LCT: variants seen among roughly 807,000 people sequenced by gnomAD.
LCT encodes the protein lactase/phlorizin hydrolase.
LCT carries 90 observed loss-of-function variants against 173.0 expected under a neutral mutation model. The observed-to-expected ratio is 0.52, with a 90% confidence interval of 0.44 to 0.62. The LOEUF is 0.62. Among genes scored for constraint, LCT ranks in the 20% least tolerant of loss-of-function variants. LCT has a pLI of 0.00. For synonymous variants in LCT, 853 were observed against 957.6 expected (o/e 0.89, Z 2.02); for missense variants, 1,864 against 2,431.4 (o/e 0.77, Z 4.91).
intron 3 of LCT, among the ~76,000 whole-genome samples, 183 bp from the exon 4 acceptor site, chr2:135,824,186 A>G (rs1053061844): frequency 6.6e-6 from 1 of 152,156 alleles, no homozygotes; most frequent in Non-Finnish European, 1.5e-5. Flanking sequence ...ACAATTTTCA[A>G]TAACATAGTC....
intron 2 of LCT, among the ~76,000 whole-genome samples, chr2:135,829,959 A>ATGGCTAT (rs1302252162): frequency 6.6e-6 from 1 of 152,016 alleles, no homozygotes; most frequent in Non-Finnish European, 1.5e-5. Flanking sequence ...CGCAGTGTTG[A>ATGGCTAT]TGGCTAAATG....
Position 135,808,460 on chromosome 2 carries a change from A to G in LCT, c.3887T>C (p.Ile1296Thr). ...TCACACACCTTTCAAAGCCTCATTG[A>G]TGTAGGTTTTGTGGTAAAATATCCT... ...TDRIFYHKTY[I>T]NEALKAYRLD... is the part of the protein sequence containing the mutation. Residue 1296 changes from isoleucine (I) to threonine (T), a missense_variant, in exon 8 of 17, where the codon ATC becomes ACC. Ile to Thr is a moderately conservative substitution (Grantham distance 89). Transcript: ENST00000264162. 6.2e-7 allele frequency: 1 copy of G among 1,613,776 alleles called. No individual in the cohort carries two copies. Among genetic ancestry groups the G allele is most frequent in the Non-Finnish European group, 8.5e-7 (1 of 1,179,656 alleles).
chr2:135,798,171 T>G, intron 12 of LCT, 33 bp from the exon 13 acceptor site: 1 of 1,158,680 alleles, frequency 8.6e-7, no homozygotes, highest in Non-Finnish European at 1.3e-6. Flanking sequence ...AGCCCAGGCG[T>G]TACAGGTGGG....
chr2:135,831,234 C>T (rs1224425150), intron 2 of LCT, among the ~76,000 whole-genome samples: 1 of 152,116 alleles, frequency 6.6e-6, no homozygotes, highest in East Asian at 1.9e-4. Flanking sequence ...CTGGAGAGCA[C>T]AGTTACGTGT....
At chr2:135,814,675 C>G (rs1029680131) in intron 6 of LCT, among the ~76,000 whole-genome samples, 10 of 151,950 alleles carry the variant, frequency 6.6e-5, no homozygotes, top group African/African-American at 2.4e-4. Context: ...CGCCACCATG[C>G]CTGGCTAATT....
chr2:135,808,864 G>C lies in LCT; in HGVS notation c.3483C>G (p.Asn1161Lys). Residue 1161 changes from asparagine to lysine, a missense_variant, in exon 8 of 17, where the codon AAC (asparagine) becomes AAG (lysine). Around this residue, in one of 4 missense-constraint regions of LCT, gnomAD observed 755 missense variants for 926.3 expected, o/e 0.82. Transcript: ENST00000264162. Reference sequence around the variant, plus strand: ...ACTTCATGGTGTCAGGATAGTCTCCGTTTCTAAAAATGGGGTGAGCAAACC... The same window carrying C: ...ACTTCATGGTGTCAGGATAGTCTCCCTTTCTAAAAATGGGGTGAGCAAACC... ...LGWFAHPIFR[N>K]GDYPDTMKWK... 1 of 1,614,198 alleles carries C rather than the reference G, an allele frequency of 6.2e-7. No homozygotes were observed. The highest frequency in any genetic ancestry group is 8.5e-7 in the Non-Finnish European group (1 of 1,180,036).
intron 6 of LCT, among the ~76,000 whole-genome samples, chr2:135,813,543 A>G (rs1273412495): frequency 6.6e-6 from 1 of 152,242 alleles, no homozygotes; most frequent in Non-Finnish European, 1.5e-5. Flanking sequence ...AATCCTCACC[A>G]CAACCTCATA....
Position 135,790,841 on chromosome 2 carries a change from CAG to C in LCT, c.5150_5151del (p.Ser1717TrpfsTer25), listed in dbSNP as rs757952008. On this transcript the variant is annotated frameshift_variant, in exon 15 of 17. Coordinates refer to ENST00000264162, the MANE Select transcript of LCT (RefSeq NM_002299.4). LOFTEE classifies it high-confidence loss of function. This position sits in a 1 kb window ranked among gnomAD's most constrained non-coding sequence, Gnocchi z 4.1. ...ASIADRSWPD[S>X]GSFWLKMTPF... ...GGCGTCATCTTCAGCCAGAAGGAGC[CAG>C]AGTCTGGCCACGAGCGATCTGCGAT... 4 of 1,614,054 alleles carry C rather than the reference CAG, an allele frequency of 2.5e-6. No homozygotes were observed. The highest frequency in any genetic ancestry group is 2.5e-6 in the Non-Finnish European group (3 of 1,180,038).
At chr2:135,833,921 T>C (rs2077961943) in intron 1 of LCT, among the ~76,000 whole-genome samples, 1 of 152,172 alleles carries the variant, frequency 6.6e-6, no homozygotes, top group African/African-American at 2.4e-5. Context: ...CCTCTCTCCA[T>C]GAATTCGACT....
chr2:135,822,379 A>T (rs1245885336), intron 4 of LCT: 1 of 426,194 alleles, frequency 2.3e-6, no homozygotes, highest in Non-Finnish European at 4.4e-6. Flanking sequence ...TGTCTGATGC[A>T]GTAGGTCTCA....
chr2:135,801,870 G>A (rs1410140223), intron 11 of LCT, among the ~76,000 whole-genome samples: 4 of 151,916 alleles, frequency 2.6e-5, no homozygotes, highest in African/African-American at 4.8e-5. Context: ...TACCATACTC[G>A]GCCTATGATT....
chr2:135,830,671 G>T (rs2077930095), intron 2 of LCT, among the ~76,000 whole-genome samples: 1 of 152,228 alleles, frequency 6.6e-6, no homozygotes, highest in Admixed American at 6.5e-5. Context: ...GTTAATAAGT[G>T]GTTCACTACT....
At chr2:135,789,526 G>A in intron 16 of LCT, 45 bp downstream of exon 16, 1 of 1,396,300 alleles carries the variant, frequency 7.2e-7, no homozygotes. Flanking sequence ...CCTTCCACCT[G>A]CCCTTCACCC....
At position 135,803,038 on chromosome 2, in the gene LCT, G is replaced by A. The variant is rs1264683864; in HGVS notation, c.4663+892C>T. On this transcript the variant is annotated intron_variant, in intron 11 of 16. Transcript: ENST00000264162. The stretch of plus-strand genomic sequence containing the variant: ...GAGGCAGGAGAATTGCTTGAGCCCA[G>A]GAGGTGGAGGTTGCAGTGAGCTGGT... 2.0e-5 allele frequency among the ~76,000 whole-genome samples: 3 copies of A among 152,178 alleles called. No homozygotes were observed. In the East Asian group the frequency reaches 5.8e-4, roughly 29 times the overall value.
At chr2:135,822,995 A>G (rs1287627221) in intron 4 of LCT, 1 of 152,408 alleles carries the variant, frequency 6.6e-6, no homozygotes. Context: ...AGGATGCAGC[A>G]TGAGGCCCTC....
At chr2:135,829,755 G>A (rs1026855688) in intron 2 of LCT, 79 bp from the exon 3 acceptor site, 6 of 967,176 alleles carry the variant, frequency 6.2e-6, no homozygotes, top group Middle Eastern at 4.2e-4. Context: ...ACGCTTTTTT[G>A]TTTCTCCCCT....
intron 2 of LCT, among the ~76,000 whole-genome samples, chr2:135,831,427 T>G (rs1204434348): frequency 6.6e-6 from 1 of 152,140 alleles, no homozygotes; most frequent in Non-Finnish European, 1.5e-5. Context: ...TGGAGGGTCC[T>G]GTGGGATTCG....
intron 2 of LCT, among the ~76,000 whole-genome samples, chr2:135,830,472 A>C (rs752053067): frequency 1.3e-5 from 2 of 152,050 alleles, no homozygotes; most frequent in Non-Finnish European, 2.9e-5. Flanking sequence ...CCTCCCACTG[A>C]TCATCTGCTT....
intron 14 of LCT, among the ~76,000 whole-genome samples, chr2:135,792,524 G>A (rs2077540496): frequency 6.6e-6 from 1 of 152,214 alleles, no homozygotes; most frequent in Non-Finnish European, 1.5e-5. Context: ...GGCCTGGGGT[G>A]AGATCTCTGC....
Sources: allele counts gnomAD v4.1 joint callset (sites outside exome capture counted in the v4.1 genomes callset), GRCh38; gene constraint gnomAD v4.1.1; regional missense constraint gnomAD v4.1.1; non-coding constraint Gnocchi (gnomAD v3.1); transcripts MANE v1.5; gene names NCBI Gene and HGNC (gene_info 2026-07-23, HGNC 2026-07-21).